Variants in ADH1B observed in about 807,000 individuals in gnomAD.
The protein encoded by ADH1B is all-trans-retinol dehydrogenase [NAD(+)] ADH1B.
ADH1B carries 29 observed loss-of-function variants against 34.6 expected under a neutral mutation model. The ratio of observed to expected loss-of-function variants is 0.84; its 90% CI spans 0.62 to 1.14. The LOEUF (loss-of-function observed/expected upper bound fraction) is 1.14. Among genes scored for constraint, ADH1B ranks in the 50% most tolerant of loss-of-function variants. The pLI is 0.00. For missense variants in ADH1B, 424 were observed against 468.4 expected, an observed-to-expected ratio of 0.91 and a Z score of 0.87; for synonymous variants, 170 against 175.5, an observed-to-expected ratio of 0.97 and a Z score of 0.25.
At chr4:99,318,955 A>C (rs761983697) in intron 1 of ADH1B, 69 bp from the exon 2 acceptor site, 2 of 1,502,408 alleles carry the variant, frequency 1.3e-6, no homozygotes, top group East Asian at 2.3e-5. Context: ...GTGTCTTTTC[A>C]TCTTTGTACA....
At chr4:99,320,748 T>A in intron 1 of ADH1B, 1 of 1,082,660 alleles carries the variant, frequency 9.2e-7, no homozygotes, top group Non-Finnish European at 1.1e-6. Context: ...TGTATCATAA[T>A]GGACCCCTTT....
At chr4:99,318,435 C>G (rs1407688845) in intron 2 of ADH1B, 1 of 555,682 alleles carries the variant, frequency 1.8e-6, no homozygotes, top group Non-Finnish European at 3.0e-6. Flanking sequence ...ATATTTAAGT[C>G]TTATGTAAGA....
intron 6 of ADH1B, chr4:99,313,578 G>T: frequency 1.7e-6 from 1 of 596,570 alleles, no homozygotes. Flanking sequence ...TAATTGCTCA[G>T]TTAAGAAAAA....
chr4:99,318,813 G>A lies in ADH1B; in HGVS notation c.92C>T (p.Pro31Leu). 6.2e-7 allele frequency: 1 copy of A among 1,613,760 alleles called. No individual in the cohort carries two copies. The highest frequency in any genetic ancestry group is 1.1e-5 in the South Asian group (1 of 91,072). ...PFSIEDVEVA[P>L]PKAYEVRIKM... The stretch of plus-strand genomic sequence containing the variant: ...AATGCGAACTTCATAAGCCTTAGGA[G>A]GTGCAACCTCCACATCCTCAATGGA... Residue 31 changes from proline to leucine, a missense_variant, in exon 2 of 9, where the codon CCT becomes CTT. Pro to Leu is a moderately conservative substitution (Grantham distance 98). Coordinates refer to ENST00000305046, the MANE Select transcript of ADH1B (RefSeq NM_000668.6).
Position 99,311,558 on chromosome 4 carries a change from T to C in ADH1B, c.927A>G (p.Leu309=), listed in dbSNP as rs1219791503. 1 of 1,614,004 alleles carries C rather than the reference T, an allele frequency of 6.2e-7. No homozygotes were observed. The highest frequency in any genetic ancestry group is 1.7e-5 in the Admixed American group (1 of 60,008). Residue 309 remains leucine (L), a synonymous_variant, in exon 7 of 9, where the codon CTA becomes CTG. Transcript: ENST00000305046. ...SQNLSINPML[L]LTGRTWKGAV... ...CCCCCTTCCAGGTGCGTCCAGTCAG[T>C]AGCAGCATAGGGTTTATTGAGAGGT...
At chr4:99,318,228 A>G (rs1733937720) in intron 2 of ADH1B, 44 bp from the exon 3 acceptor site, 2 of 1,609,434 alleles carry the variant, frequency 1.2e-6, no homozygotes, top group Middle Eastern at 1.7e-4. Context: ...AAAGATTGTA[A>G]CTAGATGAAT....
At chr4:99,308,209 AGT>A in intron 8 of ADH1B, among the ~76,000 whole-genome samples, 1 of 152,096 alleles carries the variant, frequency 6.6e-6, no homozygotes, top group East Asian at 1.9e-4. Context: ...AATAACTTGC[AGT>A]AAGTTCTTAC....
chr4:99,318,199 G>A lies in ADH1B; in HGVS notation c.121-15C>T. The stretch of plus-strand genomic sequence containing the variant: ...ACAGCCACCATCTACAGAATAAAGA[G>A]AAGCTGTTCAGATTCAGAAAAGATT... On this transcript the variant is annotated splice_polypyrimidine_tract_variant and intron_variant, in intron 2 of 8. Transcript: ENST00000305046. 6.2e-7 allele frequency: 1 copy of A among 1,613,480 alleles called. No homozygotes were observed. Among genetic ancestry groups the A allele is most frequent in the Non-Finnish European group, 8.5e-7 (1 of 1,179,824 alleles).
At chr4:99,312,463 C>T (rs6850217) in intron 6 of ADH1B, among the ~76,000 whole-genome samples, 43,791 of 152,036 alleles carry the variant, frequency 0.29, 7,338 homozygotes, top group Middle Eastern at 0.39. Context: ...CTTAGGGTGC[C>T]ACTCCCTGTT....
chr4:99,320,743 C>A (rs1734003738), intron 1 of ADH1B: 3 of 1,056,662 alleles, frequency 2.8e-6, no homozygotes, highest in Non-Finnish European at 3.5e-6. Flanking sequence ...TGAATTGTAT[C>A]ATAATGGACC....
At chr4:99,317,776 T>A (rs923606526) in intron 3 of ADH1B, 1 of 449,510 alleles carries the variant, frequency 2.2e-6, no homozygotes, top group South Asian at 3.9e-5. Flanking sequence ...TGTGTCTCTT[T>A]TGATCCTCAC....
At chr4:99,318,617 T>C (rs1188380420) in intron 2 of ADH1B, 168 bp downstream of exon 2, 1 of 690,916 alleles carries the variant, frequency 1.4e-6, no homozygotes, top group Non-Finnish European at 2.3e-6. Context: ...GATCATTTTT[T>C]AAAAATTTAA....
At chr4:99,319,176 T>G in intron 1 of ADH1B, 1 of 454,712 alleles carries the variant, frequency 2.2e-6, no homozygotes. Context: ...TTCCTGGTAT[T>G]TCCTAATGCC....
chr4:99,310,624 T>TGCA, intron 8 of ADH1B, 141 bp downstream of exon 8: 1 of 1,180,694 alleles, frequency 8.5e-7, no homozygotes. Context: ...TGATCCTACA[T>TGCA]ACGCTCCATG....
chr4:99,317,444 A>G (rs902208804), intron 3 of ADH1B: 1 of 152,188 alleles, frequency 6.6e-6, no homozygotes, highest in African/African-American at 2.4e-5. Context: ...CAAGGCAGAC[A>G]TTGTTGATGG....
intron 1 of ADH1B, chr4:99,319,287 C>T (rs1263989201): frequency 3.6e-6 from 1 of 279,412 alleles, no homozygotes; most frequent in African/African-American, 2.2e-5. Context: ...ACATAAAATA[C>T]ACTGCTTTAT....
chr4:99,317,227 A>C (rs986262533), intron 3 of ADH1B: 9 of 152,242 alleles, frequency 5.9e-5, no homozygotes, highest in African/African-American at 2.2e-4. Context: ...TATGCTATAC[A>C]TTCCACATGA....
chr4:99,320,277 T>C (rs539060428), intron 1 of ADH1B: 19 of 152,330 alleles, frequency 1.2e-4, no homozygotes, highest in African/African-American at 4.3e-4. Flanking sequence ...AGCTACCACT[T>C]TTAAGTGAGA....
intron 8 of ADH1B, among the ~76,000 whole-genome samples, chr4:99,308,739 A>C (rs1011089600): frequency 2.4e-4 from 37 of 152,224 alleles, no homozygotes; most frequent in African/African-American, 7.9e-4. Context: ...AATTCAGAGA[A>C]TACAAGACAG....
Sources: allele counts gnomAD v4.1 joint callset (sites outside exome capture counted in the v4.1 genomes callset), GRCh38; gene constraint gnomAD v4.1.1; transcripts MANE v1.5; gene names NCBI Gene and HGNC (gene_info 2026-07-23, HGNC 2026-07-21).